Variants in CCDC7 observed in about 807,000 individuals in gnomAD.
CCDC7 encodes the protein coiled-coil domain-containing protein 7.
In CCDC7, 183 loss-of-function variants were observed where a neutral mutation model predicts 196.9. The ratio of observed to expected loss-of-function variants is 0.93; its 90% CI spans 0.82 to 1.05. CCDC7 has a LOEUF of 1.05. CCDC7 is among the 50% of genes least tolerant of loss of function. The pLI, the probability that CCDC7 is intolerant of heterozygous loss-of-function variation, is 0.00. For missense variants in CCDC7, 1,540 were observed against 1,482.2 expected (o/e 1.04, Z -0.64); for synonymous variants, 525 against 484.6 (o/e 1.08, Z -1.10).
intron 13 of CCDC7, among the ~76,000 whole-genome samples, chr10:32,554,026 A>G (rs912589186): frequency 6.6e-6 from 1 of 152,118 alleles, no homozygotes; most frequent in East Asian, 1.9e-4. Context: ...TGAGATTCCC[A>G]GGTCACTGGA....
intron 28 of CCDC7, among the ~76,000 whole-genome samples, chr10:32,734,749 T>C (rs533831149): frequency 2.6e-5 from 4 of 151,742 alleles, no homozygotes; most frequent in African/African-American, 9.7e-5. Context: ...GACAAAAAAT[T>C]AGCCAGGTGT....
At chr10:32,555,208 T>C (rs1463014702) in intron 13 of CCDC7, among the ~76,000 whole-genome samples, 1 of 152,154 alleles carries the variant, frequency 6.6e-6, no homozygotes, top group Non-Finnish European at 1.5e-5. Context: ...TGTACATACC[T>C]AACAGTAAGA....
intron 20 of CCDC7, among the ~76,000 whole-genome samples, chr10:32,640,932 A>G (rs1256901007): frequency 7.8e-6 from 1 of 128,158 alleles, no homozygotes; most frequent in African/African-American, 2.9e-5. Flanking sequence ...TGTGCAGGTT[A>G]GTTACATATG....
rs1375491695 is a variant in CCDC7 at position 32,453,444 on chromosome 10, T to C, written c.372+8T>C. On this transcript the variant is annotated splice_region_variant and intron_variant, in intron 2 of 41. Transcript: ENST00000639629. Reference sequence around the variant, plus strand: ...GAAGAATTATCTTTATCTGTAAGTATATGCAACCCTAATATAGAGACATTA... The same window carrying C: ...GAAGAATTATCTTTATCTGTAAGTACATGCAACCCTAATATAGAGACATTA... The C allele has an allele frequency of 1.3e-6, 2 of 1,501,080 alleles. No homozygotes were observed. The highest frequency in any genetic ancestry group is 1.8e-6 in the Non-Finnish European group (2 of 1,124,626). 93.0% of individuals were successfully genotyped at this position (1,501,080 alleles called of 1,614,324 possible). A position where few individuals can be genotyped will look rare whatever the true frequency, so the allele number is the denominator to read the frequency against.
intron 9 of CCDC7, among the ~76,000 whole-genome samples, chr10:32,493,426 C>T (rs1417210683): frequency 1.3e-5 from 2 of 150,268 alleles, no homozygotes; most frequent in Admixed American, 6.6e-5. Context: ...TGTTCTTTAT[C>T]TATTTTTACA....
At chr10:32,517,077 A>T (rs2047139643) in intron 9 of CCDC7, among the ~76,000 whole-genome samples, 1 of 152,220 alleles carries the variant, frequency 6.6e-6, no homozygotes, top group African/African-American at 2.4e-5. Context: ...CTGTGGAACA[A>T]TGTCAAACCT....
chr10:32,588,522 T>A (rs539111413), intron 18 of CCDC7, among the ~76,000 whole-genome samples: 5 of 152,302 alleles, frequency 3.3e-5, no homozygotes, highest in Admixed American at 1.3e-4. Flanking sequence ...TACTTGGTCT[T>A]GGTGTATGAT....
At chr10:32,623,750 T>C (rs1373390084) in intron 18 of CCDC7, 1 of 470,164 alleles carries the variant, frequency 2.1e-6, no homozygotes, top group Non-Finnish European at 4.4e-6. Context: ...CGGCATCTGC[T>C]TCTGGCGAGG....
At chr10:32,769,702 A>C (rs1427934683) in intron 28 of CCDC7, among the ~76,000 whole-genome samples, 2 of 150,694 alleles carry the variant, frequency 1.3e-5, no homozygotes, top group Non-Finnish European at 3.0e-5. Flanking sequence ...TCATTGTTCA[A>C]CTCCCACTTA....
intron 28 of CCDC7, among the ~76,000 whole-genome samples, chr10:32,763,070 G>C (rs1007443297): frequency 6.6e-6 from 1 of 151,892 alleles, no homozygotes; most frequent in East Asian, 1.9e-4. Flanking sequence ...AATGAAAAGA[G>C]AGCCAACAGA....
At chr10:32,672,516 C>G (rs936738779) in intron 21 of CCDC7, among the ~76,000 whole-genome samples, 3 of 152,128 alleles carry the variant, frequency 2.0e-5, no homozygotes, top group African/African-American at 7.2e-5. Context: ...GAGGTGGTGA[C>G]TTCTTTCCCA....
In CCDC7 at chr10:32,454,108, C is replaced by T. The variant is rs374075632; in HGVS notation, c.372+672C>T. Among the ~76,000 whole-genome samples the T allele has an allele frequency of 2.2e-4, 34 of 152,174 alleles. No individual in the cohort carries two copies. In the East Asian group the frequency reaches 6.0e-3, roughly 27 times the overall value. On this transcript the variant is annotated intron_variant, in intron 2 of 41. Transcript: ENST00000639629. The stretch of plus-strand genomic sequence containing the variant: ...TGGGGAAGCTAAATAAATAAGGCTA[C>T]ATATCATATGATTCTATTTATATGA...
At chr10:32,849,563 C>T (rs1348086221) in intron 39 of CCDC7, among the ~76,000 whole-genome samples, 5 of 151,608 alleles carry the variant, frequency 3.3e-5, no homozygotes, top group African/African-American at 9.7e-5. Context: ...ATTAGCTGGG[C>T]ATGGTGGCAC....
intron 29 of CCDC7, among the ~76,000 whole-genome samples, chr10:32,784,709 C>T (rs1289513611): frequency 6.6e-6 from 1 of 151,932 alleles, no homozygotes; most frequent in Non-Finnish European, 1.5e-5. Context: ...GTAGCTGGGA[C>T]TACAGACACG....
intron 14 of CCDC7, among the ~76,000 whole-genome samples, chr10:32,567,117 AG>A (rs2056944353): frequency 6.8e-6 from 1 of 146,958 alleles, no homozygotes; most frequent in Admixed American, 6.9e-5. Context: ...AAATTTAAAA[AG>A]GATATATCTC....
chr10:32,768,474 T>A (rs2078662016), intron 28 of CCDC7, among the ~76,000 whole-genome samples: 1 of 152,178 alleles, frequency 6.6e-6, no homozygotes, highest in Non-Finnish European at 1.5e-5. Flanking sequence ...TGAACAAAGA[T>A]GATTTGACTT....
At chr10:32,694,725 T>C (rs2077489853) in intron 23 of CCDC7, among the ~76,000 whole-genome samples, 154 bp from the exon 25 acceptor site, 1 of 152,216 alleles carries the variant, frequency 6.6e-6, no homozygotes, top group South Asian at 2.1e-4. Context: ...AAAAATGTTC[T>C]TATAGTAGTC....
chr10:32,488,261 C>T (rs1173996814), intron 8 of CCDC7, among the ~76,000 whole-genome samples: 2 of 152,182 alleles, frequency 1.3e-5, no homozygotes, highest in African/African-American at 4.8e-5. Flanking sequence ...AGTGAGGCTC[C>T]GTGGGCGCAG....
chr10:32,500,279 C>T (rs1400655699), intron 9 of CCDC7, among the ~76,000 whole-genome samples: 2 of 151,874 alleles, frequency 1.3e-5, no homozygotes, highest in African/African-American at 2.4e-5. Flanking sequence ...AGACGCTCCT[C>T]ACCTCCCAGA....
Sources: gnomAD v4.1 joint callset for allele counts (sites outside exome capture counted in the v4.1 genomes callset) on GRCh38, gnomAD v4.1.1 for gene constraint, MANE v1.5 for transcripts, NCBI Gene and HGNC (gene_info 2026-07-23, HGNC 2026-07-21) for gene names.